The following CNBD1 variants were observed in gnomAD, a reference collection of about 807,000 sequenced individuals.
The protein encoded by CNBD1 is cyclic nucleotide-binding domain-containing protein 1.
CNBD1 carries 71 observed loss-of-function variants against 54.4 expected under a neutral mutation model. That is an observed-to-expected ratio of 1.30 (90% CI 1.08 to 1.59). The LOEUF (loss-of-function observed/expected upper bound fraction) is 1.59, where lower values mean the gene tolerates loss of function less well. Among genes scored for constraint, CNBD1 ranks in the 40% most tolerant of loss-of-function variants. The pLI is 0.00. For synonymous variants in CNBD1, 182 were observed against 170.7 expected (o/e 1.07, Z -0.51); for missense variants, 659 against 518.0 (o/e 1.27, Z -2.64).
chr8:87,355,884 G>A (rs1586041854), intron 10 of CNBD1, among the ~76,000 whole-genome samples: 1 of 152,246 alleles, frequency 6.6e-6, no homozygotes, highest in South Asian at 2.1e-4. Flanking sequence ...GGGTCAAGGA[G>A]ATGGATCCTT....
At chr8:87,319,085 A>G (rs1809463303) in intron 8 of CNBD1, among the ~76,000 whole-genome samples, 1 of 152,150 alleles carries the variant, frequency 6.6e-6, no homozygotes, top group South Asian at 2.1e-4. Context: ...ACTAGTATAA[A>G]TCAAGGAAGG....
intron 7 of CNBD1, among the ~76,000 whole-genome samples, chr8:87,285,115 T>C (rs890755057): frequency 3.3e-5 from 5 of 152,136 alleles, no homozygotes; most frequent in African/African-American, 4.8e-5. Context: ...TCAACAAATA[T>C]GTGTTTTGCA....
chr8:87,228,530 G>T (rs1814570581), intron 5 of CNBD1, among the ~76,000 whole-genome samples: 1 of 150,182 alleles, frequency 6.7e-6, no homozygotes. Flanking sequence ...CCTGCTGGGG[G>T]GTGCCTCCCA....
intron 6 of CNBD1, among the ~76,000 whole-genome samples, chr8:87,275,818 A>G (rs1808467333): frequency 6.6e-6 from 1 of 151,674 alleles, no homozygotes; most frequent in Admixed American, 6.6e-5. Context: ...GTATATCTAG[A>G]AAACCCCATT....
intron 4 of CNBD1, among the ~76,000 whole-genome samples, chr8:87,185,212 A>T (rs1236822774): frequency 6.6e-6 from 1 of 152,208 alleles, no homozygotes; most frequent in Non-Finnish European, 1.5e-5. Flanking sequence ...TGTTTTATAA[A>T]TATCAATGAG....
chr8:87,307,455 G>T (rs1809179199), intron 8 of CNBD1, among the ~76,000 whole-genome samples: 1 of 152,150 alleles, frequency 6.6e-6, no homozygotes, highest in African/African-American at 2.4e-5. Context: ...AACTTAGCAA[G>T]GGCTGCGTGC....
chr8:87,037,473 C>G (rs1178822291), intron 4 of CNBD1, among the ~76,000 whole-genome samples: 1 of 152,080 alleles, frequency 6.6e-6, no homozygotes, highest in Non-Finnish European at 1.5e-5. Context: ...TTCTGGAATT[C>G]ATAATAAACA....
intron 2 of CNBD1, among the ~76,000 whole-genome samples, chr8:86,890,660 C>T (rs989125066): frequency 6.6e-6 from 1 of 152,082 alleles, no homozygotes; most frequent in Admixed American, 6.5e-5. Context: ...GAGGAAACTC[C>T]ATACTGTTTT....
intron 4 of CNBD1, among the ~76,000 whole-genome samples, chr8:87,039,710 TCTC>T (rs1280137576): frequency 3.9e-5 from 6 of 152,280 alleles, no homozygotes; most frequent in African/African-American, 1.4e-4. Flanking sequence ...CTCAAATTAG[TCTC>T]CTCGAGAATT....
At chr8:87,051,625 G>A (rs1407436682) in intron 4 of CNBD1, among the ~76,000 whole-genome samples, 1 of 152,198 alleles carries the variant, frequency 6.6e-6, no homozygotes, top group Non-Finnish European at 1.5e-5. Flanking sequence ...TGAAATAAAG[G>A]GATGAGTTTG....
At chr8:87,264,956 T>A (rs2130852354) in intron 6 of CNBD1, among the ~76,000 whole-genome samples, 1 of 152,238 alleles carries the variant, frequency 6.6e-6, no homozygotes, top group South Asian at 2.1e-4. Flanking sequence ...AGGTTGCCTG[T>A]TCACTCTGAT....
intron 8 of CNBD1, among the ~76,000 whole-genome samples, chr8:87,292,632 C>G (rs897194821): frequency 3.9e-5 from 6 of 152,094 alleles, no homozygotes; most frequent in African/African-American, 1.4e-4. Context: ...TGGCTCAATG[C>G]CTCTTCCAAG....
At chr8:87,331,522 T>A (rs944579140) in intron 8 of CNBD1, among the ~76,000 whole-genome samples, 2 of 152,204 alleles carry the variant, frequency 1.3e-5, no homozygotes, top group Non-Finnish European at 2.9e-5. Flanking sequence ...GCAATAAACA[T>A]ATGTGTGCAT....
chr8:87,407,008 CT>C (rs569947129), intron 2 of CNBD1, among the ~76,000 whole-genome samples: 2,505 of 151,120 alleles, frequency 0.017, 71 homozygotes, highest in African/African-American at 0.054. Flanking sequence ...TCATAATGAA[CT>C]TTTTTTTTAC....
At chr8:87,425,128 C>T (rs1025082970) in intron 2 of CNBD1, among the ~76,000 whole-genome samples, 1 of 152,134 alleles carries the variant, frequency 6.6e-6, no homozygotes, top group Admixed American at 6.5e-5. Context: ...CCTGAGGCTT[C>T]TGCATTCTTC....
chr8:87,040,330 A>C (rs1810038278), intron 4 of CNBD1, among the ~76,000 whole-genome samples: 1 of 151,948 alleles, frequency 6.6e-6, no homozygotes. Context: ...GATTTCTTTG[A>C]CTGTAATTTT....
intron 6 of CNBD1, among the ~76,000 whole-genome samples, chr8:87,268,531 G>A (rs942398696): frequency 7.2e-5 from 11 of 152,180 alleles, no homozygotes; most frequent in Admixed American, 2.0e-4. Context: ...TCCCTACACT[G>A]CTCACCACAG....
intron 8 of CNBD1, among the ~76,000 whole-genome samples, 174 bp downstream of exon 8, chr8:87,286,845 A>G (rs556035363): frequency 1.3e-5 from 2 of 152,216 alleles, no homozygotes; most frequent in South Asian, 2.1e-4. Context: ...TTTATTAAAA[A>G]TGATACTGTA....
chr8:87,372,238 A>G (rs1316890861), intron 10 of CNBD1, among the ~76,000 whole-genome samples: 1 of 152,036 alleles, frequency 6.6e-6, no homozygotes, highest in Non-Finnish European at 1.5e-5. Context: ...CCCGTTCATA[A>G]TTGCTTCAAA....
Sources: allele counts gnomAD v4.1 joint callset (sites outside exome capture counted in the v4.1 genomes callset), GRCh38; gene constraint gnomAD v4.1.1; transcripts MANE v1.5; gene names NCBI Gene and HGNC (gene_info 2026-07-23, HGNC 2026-07-21).